HIC1: variants seen among roughly 807,000 people sequenced by gnomAD.
The protein encoded by HIC1 is hypermethylated in cancer 1 protein.
Under a neutral mutation model 26.4 loss-of-function variants are expected in HIC1, and 9 were observed. The ratio of observed to expected loss-of-function variants is 0.34; its 90% confidence interval spans 0.21 to 0.59. The LOEUF is 0.59. Among genes scored for constraint, HIC1 ranks in the 20% least tolerant of loss-of-function variants. HIC1 has a pLI of 0.82. For missense variants in HIC1, 965 were observed against 1,075.7 expected, an observed-to-expected ratio of 0.90 and a Z score of 1.44; for synonymous variants, 631 against 523.1, an observed-to-expected ratio of 1.21 and a Z score of -2.81.
rs1385565269 is a variant in HIC1, at chr17:2,063,146, A to C, written c.*4311A>C. 3 of 152,198 alleles carry C rather than the reference A, an allele frequency of 2.0e-5. No individual in the cohort carries two copies. Among genetic ancestry groups the C allele is most frequent in the Admixed American group, 6.5e-5 (1 of 15,284 alleles). 9.4% of individuals were successfully genotyped at this position (152,198 alleles called of 1,614,324 possible). On this transcript the variant is annotated 3_prime_UTR_variant, in exon 2 of 2. Coordinates refer to ENST00000619757, the MANE Select transcript of HIC1 (RefSeq NM_006497.4). ...TCAAACCAGGAGCGTCCCAGGCCTT[A>C]GGTCAGCTAACCAAGGCCCGACATT... is the stretch of plus-strand genomic sequence containing the variant.
rs554342490 is a variant in HIC1, at chr17:2,062,914, G to A, written c.*4079G>A. ...TGGTGGCGAGAGAAGAGGACAGGAG[G>A]AAGGAGAGTGTGAAGGGAGGCAAGG... On this transcript the variant is annotated 3_prime_UTR_variant, in exon 2 of 2. Transcript: ENST00000619757. 2.0e-5 allele frequency: 3 copies of A among 152,798 alleles called. No individual in the cohort carries two copies. Among genetic ancestry groups the A allele is most frequent in the African/African-American group, 7.2e-5 (3 of 41,586 alleles). 9.5% of individuals were successfully genotyped at this position (152,798 alleles called of 1,614,324 possible). A position where few individuals can be genotyped will look rare whatever the true frequency, so the allele number is the denominator to read the frequency against.
At chr17:2,056,649 C>T (rs758183070) in intron 1 of HIC1, 22 bp from the exon 2 acceptor site, 11 of 1,517,220 alleles carry the variant, frequency 7.3e-6, no homozygotes, top group African/African-American at 1.4e-5. Flanking sequence ...GGCTCTCACC[C>T]GGCCGGTGTG....
Position 2,058,346 on chromosome 17 carries a change from G to C in HIC1, c.1656G>C (p.Arg552=). 6.2e-7 allele frequency: 1 copy of C among 1,610,140 alleles called. No homozygotes were observed. Among genetic ancestry groups the C allele is most frequent in the Non-Finnish European group, 8.5e-7 (1 of 1,178,800 alleles). Residue 552 remains arginine (R), a synonymous_variant, in exon 2 of 2, where the codon CGG becomes CGC. Coordinates refer to ENST00000619757, the MANE Select transcript of HIC1 (RefSeq NM_006497.4). ...TCGCGTGCGACGCGTGCGGCATGCG[G>C]TTCACGCGCCAGTACCGCCTCACGG... ...KPFACDACGM[R]FTRQYRLTEH...
chr17:2,055,280 G>C lies in HIC1; in HGVS notation c.-21+42G>C, dbSNP rs1023494024. ...GGGACCGGGAGGGACGGGGGACCCG[G>C]GACAGCCCGGTCCTCGTGCGTCGGC... On this transcript the variant is annotated intron_variant, in intron 1 of 1. Coordinates refer to ENST00000619757, the MANE Select transcript of HIC1 (RefSeq NM_006497.4). The surrounding 1 kb of genome is among the most constrained non-coding windows in gnomAD (Gnocchi z 6.4). 6.6e-6 allele frequency: 1 copy of C among 152,176 alleles called. No individual in the cohort carries two copies. The allele number at this position is 152,176 out of a possible 1,614,324, so 9.4% of individuals were successfully genotyped here.
chr17:2,056,587 G>A, intron 1 of HIC1, 84 bp from the exon 2 acceptor site: 2 of 1,454,630 alleles, frequency 1.4e-6, no homozygotes, highest in South Asian at 1.4e-5. Context: ...GAGGGAAGGG[G>A]AAGTGGAGGG....
chr17:2,056,910 G>A lies in HIC1; in HGVS notation c.220G>A (p.Val74Met). 1.9e-6 allele frequency: 3 copies of A among 1,612,698 alleles called. No homozygotes were observed. Among genetic ancestry groups the A allele is most frequent in the Non-Finnish European group, 2.5e-6 (3 of 1,179,850 alleles). ...NLDHDMVSPA[V>M]FRLVLDFIYT... ...GGACCATGACATGGTGAGCCCGGCC[G>A]TGTTCCGCCTGGTGCTGGACTTCAT... The change falls in exon 2 of 2, where the codon GTG (valine) becomes ATG (methionine). Residue 74 changes from valine (V) to methionine (M), a missense_variant. Val to Met is a conservative substitution (Grantham distance 21, BLOSUM62 1). Around this residue, in one of 6 missense-constraint regions of HIC1, gnomAD observed 64 missense variants for 114.0 expected, o/e 0.56. Coordinates refer to ENST00000619757, the MANE Select transcript of HIC1 (RefSeq NM_006497.4).
rs1295688575 is a variant in HIC1, at chr17:2,057,975, A to G, written c.1285A>G (p.Ser429Gly). 6.2e-7 allele frequency: 1 copy of G among 1,610,012 alleles called. No individual in the cohort carries two copies. The highest frequency in any genetic ancestry group is 8.5e-7 in the Non-Finnish European group (1 of 1,178,676). The stretch of plus-strand genomic sequence containing the variant: ...CATTCCGTGCGGCAAGGGCTTCCCC[A>G]GCTCTGAGCAGCTGAACGCGCACGT... ...VCIPCGKGFP[S>G]SEQLNAHVEA... Residue 429 changes from serine to glycine, a missense_variant, in exon 2 of 2, where the codon AGC (serine) becomes GGC (glycine). Ser to Gly is a moderately conservative substitution (Grantham distance 56, BLOSUM62 0). Transcript: ENST00000619757.
Position 2,061,491 on chromosome 17 carries a change from C to A in HIC1, c.*2656C>A. 1 of 1,571,650 alleles carries A rather than the reference C, an allele frequency of 6.4e-7. No homozygotes were observed. The highest frequency in any genetic ancestry group is 2.3e-5 in the East Asian group (1 of 42,662). On this transcript the variant is annotated 3_prime_UTR_variant, in exon 2 of 2. Coordinates refer to ENST00000619757, the MANE Select transcript of HIC1 (RefSeq NM_006497.4). Reference sequence around the variant, plus strand: ...GGGGGGGGGGCCCCAGTGTGGCTCCCTCAGCCCACCTGGGCCCACGTGAGG... The same window carrying A: ...GGGGGGGGGGCCCCAGTGTGGCTCCATCAGCCCACCTGGGCCCACGTGAGG...
Position 2,057,162 on chromosome 17 carries a change from G to A in HIC1, c.472G>A (p.Gly158Ser). 3 of 1,323,972 alleles carry A rather than the reference G, an allele frequency of 2.3e-6. No individual in the cohort carries two copies. The highest frequency in any genetic ancestry group is 1.5e-5 in the African/African-American group (1 of 64,588). 82.0% of individuals were successfully genotyped at this position (1,323,972 alleles called of 1,614,324 possible). A position where few individuals can be genotyped will look rare whatever the true frequency, so the allele number is the denominator to read the frequency against. The change falls in exon 2 of 2, where the codon GGC (glycine) becomes AGC (serine). Residue 158 changes from glycine (G) to serine (S), a missense_variant. This residue lies in a region of HIC1 where 526 missense variants were observed against 525.0 expected (regional missense o/e 1.00). Transcript: ENST00000619757. ...CGCGCCCTATGGTCGGCCGGGCCGG[G>A]GCCTGCGGGCCGCCACGCCGGTCAT... Reference protein sequence around the residue: ...GYAPYGRPGRGLRAATPVIQA... With the variant: ...GYAPYGRPGRSLRAATPVIQA...
At position 2,058,103 on chromosome 17, in the gene HIC1, G is replaced by C; in HGVS notation, c.1413G>C (p.Gly471=). The C allele has an allele frequency of 1.3e-6, 2 of 1,595,006 alleles. No homozygotes were observed. Among genetic ancestry groups the C allele is most frequent in the Non-Finnish European group, 1.7e-6 (2 of 1,174,156 alleles). ...TAGGGCCCCCTTTTGGAGGCGGCGG[G>C]GACAAGGTCGCCGGGGCTCCGGGTG... is the stretch of plus-strand genomic sequence containing the variant. ...AGLGPPFGGG[G]DKVAGAPGGL... The change falls in exon 2 of 2, where the codon GGG becomes GGC. Residue 471 remains glycine, a synonymous_variant. Transcript: ENST00000619757.
At chr17:2,056,247 A>C in intron 1 of HIC1, 1 of 1,414,196 alleles carries the variant, frequency 7.1e-7, no homozygotes, top group Admixed American at 1.7e-5. Flanking sequence ...ACTTCTCCCG[A>C]GGCGGGAGGC....
Position 2,058,698 on chromosome 17 carries a change from G to A in HIC1, c.2008G>A (p.Glu670Lys). Residue 670 changes from glutamate to lysine, a missense_variant, in exon 2 of 2, where the codon GAG becomes AAG. Around this residue, in one of 6 missense-constraint regions of HIC1, gnomAD observed 210 missense variants for 179.2 expected, o/e 1.17. Transcript: ENST00000619757. ...HFLHDPKVAL[E>K]SLYPLAKFTA... ...CCTGCACGACCCCAAGGTGGCGCTG[G>A]AGAGCCTCTACCCGCTGGCCAAGTT... The A allele has an allele frequency of 6.5e-7, 1 of 1,546,506 alleles. No individual in the cohort carries two copies. The highest frequency in any genetic ancestry group is 8.7e-7 in the Non-Finnish European group (1 of 1,150,754).
At chr17:2,056,390 C>T (rs1417157736) in intron 1 of HIC1, 3 of 1,592,416 alleles carry the variant, frequency 1.9e-6, no homozygotes, top group South Asian at 1.1e-5. Context: ...CAGTTTTCTT[C>T]TCGGAAGCCC....
chr17:2,056,446 C>G, intron 1 of HIC1: 1 of 1,397,532 alleles, frequency 7.2e-7, no homozygotes, highest in Non-Finnish European at 1.0e-6. Flanking sequence ...GCCCTGGCCT[C>G]CCCTCCACCG....
At chr17:2,056,493 G>T in intron 1 of HIC1, 178 bp from the exon 2 acceptor site, 1 of 1,339,312 alleles carries the variant, frequency 7.5e-7, no homozygotes, top group Non-Finnish European at 1.0e-6. Flanking sequence ...CCTGGTCCGG[G>T]CGGGCCGGCC....
chr17:2,056,328 G>C, intron 1 of HIC1: 2 of 1,613,656 alleles, frequency 1.2e-6, no homozygotes, highest in Non-Finnish European at 1.7e-6. Flanking sequence ...TCCTGAAGCG[G>C]ACATTTTACT....
rs2067696658 is a variant in HIC1, at chr17:2,058,469, G to A, written c.1779G>A (p.Met593Ile). ...GCAACCTCATCAGCCACATGAAGAT[G>A]CACGCCGTGGGGGGCGCGGCCGGCG... ...QQRNLISHMK[M>I]HAVGGAAGAA... The change falls in exon 2 of 2, where the codon ATG becomes ATA. Residue 593 changes from methionine to isoleucine, a missense_variant. Coordinates refer to ENST00000619757, the MANE Select transcript of HIC1 (RefSeq NM_006497.4). 1.3e-6 allele frequency: 2 copies of A among 1,544,818 alleles called. No individual in the cohort carries two copies. Among genetic ancestry groups the A allele is most frequent in the Non-Finnish European group, 1.7e-6 (2 of 1,152,254 alleles).
In HIC1 at chr17:2,058,751, C is replaced by A. The variant is rs763409414; in HGVS notation, c.2061C>A (p.Asp687Glu). ...CGGCCGAGCTGGGCCTCAGCCCCGA[C>A]AAGGCGGCCGAGGTGCTGAGCCAGG... ...KFTAELGLSPDKAAEVLSQGA... is the reference protein window; with the variant it reads ...KFTAELGLSPEKAAEVLSQGA... Residue 687 changes from aspartate to glutamate, a missense_variant, in exon 2 of 2, where the codon GAC (aspartate) becomes GAA (glutamate). Transcript: ENST00000619757. 178 of 1,526,508 alleles carry A rather than the reference C, an allele frequency of 1.2e-4. 1 individual carries two copies. The highest frequency in any genetic ancestry group is 6.3e-4 in the South Asian group (52 of 81,942). 94.6% of individuals were successfully genotyped at this position (1,526,508 alleles called of 1,614,324 possible).
Position 2,058,802 on chromosome 17 carries a change from C to A in HIC1, c.2112C>A (p.Asp704Glu). Residue 704 changes from aspartate to glutamate, a missense_variant, in exon 2 of 2, where the codon GAC (aspartate) becomes GAA (glutamate). By Grantham distance (45) the Asp-to-Glu change is conservative. Coordinates refer to ENST00000619757, the MANE Select transcript of HIC1 (RefSeq NM_006497.4). Reference protein sequence around the residue: ...SQGAHLAAGPDGRTIDRFSPT With the variant: ...SQGAHLAAGPEGRTIDRFSPT The stretch of plus-strand genomic sequence containing the variant: ...GCGCTCACCTGGCGGCCGGGCCCGA[C>A]GGCCGGACCATCGACCGTTTCTCTC... 1 of 1,499,314 alleles carries A rather than the reference C, an allele frequency of 6.7e-7. No individual in the cohort carries two copies. 92.9% of individuals were successfully genotyped at this position (1,499,314 alleles called of 1,614,324 possible). A position where few individuals can be genotyped will look rare whatever the true frequency, so the allele number is the denominator to read the frequency against.
Sources: gnomAD v4.1 joint callset for allele counts on GRCh38, gnomAD v4.1.1 for gene constraint, gnomAD v4.1.1 regional missense constraint, Gnocchi (gnomAD v3.1) non-coding constraint, MANE v1.5 for transcripts, NCBI Gene and HGNC (gene_info 2026-07-23, HGNC 2026-07-21) for gene names.